The following KIF13A variants were observed in gnomAD, a reference collection of about 807,000 sequenced individuals.
KIF13A encodes kinesin family member 13A, also known as kinesin-like protein KIF13A.
A neutral mutation model predicts 212.2 loss-of-function variants in KIF13A; 79 were observed. The observed-to-expected ratio is 0.37, with a 90% CI of 0.31 to 0.45. The LOEUF (loss-of-function observed/expected upper bound fraction) is 0.45. Ranked by LOEUF, KIF13A falls within the 20% of genes least tolerant of loss-of-function variation. The probability of loss-of-function intolerance (pLI) is 1.00; values close to 1 mark genes in which losing one functional copy is unlikely to be tolerated. For synonymous variants in KIF13A, 789 were observed against 808.6 expected (o/e 0.98, Z 0.41); for missense variants, 1,901 against 2,209.0 (o/e 0.86, Z 2.79).
rs1162321542 is a variant in KIF13A, at chr6:17,773,067, A to G, written c.4324+411T>C. Among the ~76,000 whole-genome samples the G allele has an allele frequency of 6.6e-6, 1 of 152,178 alleles. No individual in the cohort carries two copies. The highest frequency in any genetic ancestry group is 1.5e-5 in the Non-Finnish European group (1 of 68,022). The stretch of plus-strand genomic sequence containing the variant: ...AATAATGTCACCATGAATCAAACTC[A>G]TTTTGGGTATCGTTTTTGAAAACTG... On this transcript the variant is annotated intron_variant, in intron 36 of 38. Transcript: ENST00000259711. The surrounding 1 kb of genome is among the most constrained non-coding windows in gnomAD (Gnocchi z 4.2).
intron 2 of KIF13A, among the ~76,000 whole-genome samples, chr6:17,956,904 C>T (rs1005096460): frequency 5.9e-5 from 9 of 151,632 alleles, no homozygotes; most frequent in Non-Finnish European, 8.8e-5. Flanking sequence ...TTTTTTTAGA[C>T]GGAGTCTCAC....
intron 3 of KIF13A, among the ~76,000 whole-genome samples, chr6:17,889,137 T>C (rs903916065): frequency 6.6e-6 from 1 of 152,326 alleles, no homozygotes; most frequent in East Asian, 1.9e-4. Context: ...CTAGACTAAA[T>C]AAAGTTGCAT....
rs1300002121 is a variant in KIF13A, at chr6:17,776,151, T to C, written c.4171-1089A>G. 6.6e-6 allele frequency among the ~76,000 whole-genome samples: 1 copy of C among 152,206 alleles called. No homozygotes were observed. The highest frequency in any genetic ancestry group is 2.1e-4 in the South Asian group (1 of 4,832). On this transcript the variant is annotated intron_variant, in intron 34 of 38. Transcript: ENST00000259711. This position sits in a 1 kb window ranked among gnomAD's most constrained non-coding sequence, Gnocchi z 4.6. ...CCTCAGCCTCCCAAAGTGCTGGGAT[T>C]ATAAGCGTGAGCCACCGTGCCCGAT...
chr6:17,956,123 G>C (rs982770318), intron 2 of KIF13A, among the ~76,000 whole-genome samples: 1 of 152,174 alleles, frequency 6.6e-6, no homozygotes, highest in Admixed American at 6.5e-5. Flanking sequence ...TCAAGTGGTA[G>C]CTCATTTAAC....
chr6:17,788,014 T>C (rs879045772), intron 26 of KIF13A, 139 bp from the exon 27 acceptor site: 2 of 609,018 alleles, frequency 3.3e-6, no homozygotes, highest in South Asian at 4.3e-5. Context: ...GTGATTAATA[T>C]GCAAGAAAGC....
intron 33 of KIF13A, 50 bp downstream of exon 33, chr6:17,778,897 G>A (rs182705781): frequency 6.5e-7 from 1 of 1,542,024 alleles, no homozygotes; most frequent in Non-Finnish European, 8.8e-7. Flanking sequence ...CTGTCCATTG[G>A]GGGTGAAGGC....
chr6:17,760,894 G>A (rs1758550727), downstream of KIF13A: 22 of 1,613,234 alleles, frequency 1.4e-5, no homozygotes, highest in Non-Finnish European at 1.9e-5. Context: ...TGCAGAGGCT[G>A]GTGAGTTCAT....
chr6:17,774,979 T>A (rs779859137), intron 35 of KIF13A, 36 bp downstream of exon 35: 2 of 1,557,912 alleles, frequency 1.3e-6, no homozygotes, highest in Non-Finnish European at 1.8e-6. Flanking sequence ...AGACTAAGAT[T>A]CTACTAAAAA....
chr6:17,985,632 C>CCGGGGGGGGGGGGGGG (rs112580662), intron 2 of KIF13A, among the ~76,000 whole-genome samples: 1 of 38,206 alleles, frequency 2.6e-5, no homozygotes, highest in African/African-American at 1.2e-4. Context: ...ATGCAGTTTG[C>CCGGGGGGGGGGGGGGG]GGGGGGGTGG....
chr6:17,975,029 T>A (rs1281000092), intron 2 of KIF13A, among the ~76,000 whole-genome samples: 1 of 152,036 alleles, frequency 6.6e-6, no homozygotes, highest in East Asian at 1.9e-4. Flanking sequence ...GCATCAGCCA[T>A]CACCTGGGAA....
downstream of KIF13A, among the ~76,000 whole-genome samples, chr6:17,763,156 T>C (rs543691084): frequency 9.7e-4 from 147 of 152,278 alleles, no homozygotes; most frequent in African/African-American, 3.4e-3. Flanking sequence ...TCCTTAGTAA[T>C]AGTGGCAAAA....
chr6:17,942,884 AAGG>A lies in KIF13A; in HGVS notation c.146+44167_146+44169del, dbSNP rs374637227. On this transcript the variant is annotated intron_variant, in intron 2 of 38. Transcript: ENST00000259711. ...ATCCCAGCTACTCGGGAGGCTGAGGAAGGAGAACTGCTTGAGCCTGGGAGATGG... is the reference window on the plus strand; with the variant it reads ...ATCCCAGCTACTCGGGAGGCTGAGGAAGAACTGCTTGAGCCTGGGAGATGG... Among the ~76,000 whole-genome samples the A allele has an allele frequency of 9.9e-5, 15 of 152,128 alleles. No individual in the cohort carries two copies. The East Asian group carries it at 1.7e-3, about 18-fold the overall frequency.
At chr6:17,803,822 T>C (rs966208252) in intron 20 of KIF13A, among the ~76,000 whole-genome samples, 3 of 152,180 alleles carry the variant, frequency 2.0e-5, no homozygotes, top group Middle Eastern at 3.2e-3. Context: ...AAAAAACTTG[T>C]GACCTCCAAA....
At chr6:17,964,597 T>C (rs1223524567) in intron 2 of KIF13A, among the ~76,000 whole-genome samples, 2 of 152,176 alleles carry the variant, frequency 1.3e-5, no homozygotes, top group African/African-American at 2.4e-5. Flanking sequence ...GAAGAAAGTG[T>C]AGGTGGAATC....
intron 3 of KIF13A, among the ~76,000 whole-genome samples, chr6:17,893,235 A>C (rs916028072): frequency 6.6e-6 from 1 of 152,000 alleles, no homozygotes; most frequent in Non-Finnish European, 1.5e-5. Context: ...CTTTAGTCCA[A>C]CTCTATGCCT....
chr6:17,957,626 C>T (rs964844977), intron 2 of KIF13A, among the ~76,000 whole-genome samples: 1 of 152,188 alleles, frequency 6.6e-6, no homozygotes, highest in Non-Finnish European at 1.5e-5. Context: ...TCTTGTGGGA[C>T]TGAGCCCTCA....
intron 2 of KIF13A, among the ~76,000 whole-genome samples, chr6:17,962,200 A>C (rs1561809806): frequency 2.0e-5 from 3 of 152,114 alleles, no homozygotes; most frequent in African/African-American, 4.8e-5. Context: ...AATCCCAGCT[A>C]CTTGGGAGGC....
intron 4 of KIF13A, among the ~76,000 whole-genome samples, chr6:17,862,559 T>C (rs186481658): frequency 4.4e-4 from 67 of 152,142 alleles, no homozygotes; most frequent in Middle Eastern, 6.8e-3. Context: ...TCCCAACAGT[T>C]TGGGAGGCTG....
At position 17,850,531 on chromosome 6, in the gene KIF13A, T is replaced by C. The variant is rs539672841; in HGVS notation, c.583-74A>G. On this transcript the variant is annotated intron_variant, in intron 7 of 38. Transcript: ENST00000259711. This position sits in a 1 kb window ranked among gnomAD's most constrained non-coding sequence, Gnocchi z 6.2. Reference sequence around the variant, plus strand: ...TAGTCCTGCACACCAGGTATATGTATTAATTATGATTCCTCTGATGCCTTT... The same window carrying C: ...TAGTCCTGCACACCAGGTATATGTACTAATTATGATTCCTCTGATGCCTTT... 9 of 1,391,338 alleles carry C rather than the reference T, an allele frequency of 6.5e-6. No individual in the cohort carries two copies. Among genetic ancestry groups the C allele is most frequent in the African/African-American group, 5.8e-5 (4 of 69,554 alleles). 86.2% of individuals were successfully genotyped at this position (1,391,338 alleles called of 1,614,324 possible). A position where few individuals can be genotyped will look rare whatever the true frequency, so the allele number is the denominator to read the frequency against.
Sources: gnomAD v4.1 joint callset for allele counts (sites outside exome capture counted in the v4.1 genomes callset) on GRCh38, gnomAD v4.1.1 for gene constraint, Gnocchi (gnomAD v3.1) non-coding constraint, MANE v1.5 for transcripts, NCBI Gene and HGNC (gene_info 2026-07-23, HGNC 2026-07-21) for gene names.